Variants in SEL1L2 observed in about 807,000 individuals in gnomAD.
The protein encoded by SEL1L2 is SEL1L2 adaptor subunit of SYVN1 ubiquitin ligase, also known as protein sel-1 homolog 2.
A neutral mutation model predicts 98.8 loss-of-function variants in SEL1L2; 89 were observed. The observed-to-expected ratio is 0.90, with a 90% CI of 0.76 to 1.07. SEL1L2 has a LOEUF of 1.07. Ranked by LOEUF, SEL1L2 falls within the 50% of genes least tolerant of loss-of-function variation. The pLI is 0.00. For synonymous variants in SEL1L2, 262 were observed against 278.5 expected (o/e 0.94, Z 0.59); for missense variants, 788 against 812.0 (o/e 0.97, Z 0.36).
intron 5 of SEL1L2, among the ~76,000 whole-genome samples, chr20:13,906,906 T>C (rs2047957459): frequency 6.6e-6 from 1 of 152,156 alleles, no homozygotes; most frequent in African/African-American, 2.4e-5. Context: ...CTCAAACTCC[T>C]GACCTCAAGT....
chr20:13,938,102 A>C (rs1490988493), intron 2 of SEL1L2, among the ~76,000 whole-genome samples: 1 of 141,738 alleles, frequency 7.1e-6, no homozygotes, highest in Admixed American at 7.1e-5. Context: ...TTTTTTTGAG[A>C]GGGAGTTTTG....
intron 4 of SEL1L2, among the ~76,000 whole-genome samples, chr20:13,917,195 G>C (rs573885784): frequency 1.3e-5 from 2 of 152,132 alleles, no homozygotes; most frequent in South Asian, 4.1e-4. Flanking sequence ...CTTCTAGCTA[G>C]GCTGGCTGGA....
intron 6 of SEL1L2, 103 bp from the exon 7 acceptor site, chr20:13,888,104 A>T: frequency 1.1e-6 from 1 of 901,526 alleles, no homozygotes; most frequent in Non-Finnish European, 1.7e-6. Flanking sequence ...CTCCATAATG[A>T]CCCATTGAGT....
intron 14 of SEL1L2, 59 bp from the exon 15 acceptor site, chr20:13,866,909 C>A: frequency 6.7e-7 from 1 of 1,484,410 alleles, no homozygotes. Flanking sequence ...ATATTATAAT[C>A]TATGGATATA....
At chr20:13,983,775 C>T (rs1436337932) in intron 1 of SEL1L2, among the ~76,000 whole-genome samples, 1 of 152,052 alleles carries the variant, frequency 6.6e-6, no homozygotes, top group Non-Finnish European at 1.5e-5. Context: ...CCCGCCTGGA[C>T]CTCCCAAAGT....
intron 18 of SEL1L2, among the ~76,000 whole-genome samples, chr20:13,854,054 C>T (rs1988751330): frequency 6.6e-6 from 1 of 152,196 alleles, no homozygotes; most frequent in African/African-American, 2.4e-5. Flanking sequence ...CTAATTTTAA[C>T]TTATCCTTTC....
chr20:13,884,727 T>C (rs907392588), intron 10 of SEL1L2, among the ~76,000 whole-genome samples: 1 of 152,018 alleles, frequency 6.6e-6, no homozygotes, highest in African/African-American at 2.4e-5. Context: ...CAGGATGGAC[T>C]CAATATCCTG....
rs146666053 is a variant in SEL1L2, at chr20:13,860,948, T to C, written c.1646-1514A>G. Among the ~76,000 whole-genome samples the C allele has an allele frequency of 8.2e-4, 125 of 152,206 alleles. 1 individual carries two copies. Among genetic ancestry groups the C allele is most frequent in the South Asian group, 2.3e-3 (11 of 4,818 alleles). ...TCCCTGTCTCAGTACAGCACCCCCA[T>C]TGTTCAGGCCATAAGTCTAGGGGAA... On this transcript the variant is annotated intron_variant, in intron 17 of 19. Transcript: ENST00000284951.
At chr20:13,880,836 C>T (rs539891360) in intron 10 of SEL1L2, among the ~76,000 whole-genome samples, 15 of 151,876 alleles carry the variant, frequency 9.9e-5, no homozygotes, top group East Asian at 3.9e-4. Flanking sequence ...AAATATAGTA[C>T]GCCCCAGGTA....
intron 1 of SEL1L2, among the ~76,000 whole-genome samples, chr20:13,969,637 A>C (rs1425976431): frequency 6.6e-6 from 1 of 151,970 alleles, no homozygotes; most frequent in African/African-American, 2.4e-5. Flanking sequence ...GTATCCTCCT[A>C]CCCCATATGT....
Position 13,939,035 on chromosome 20 carries a change from G to GTTTTTTTTTTTTTTTTTTTTT in SEL1L2, c.115-7265_115-7264insAAAAAAAAAAAAAAAAAAAAA, listed in dbSNP as rs779584914. ...TTTTTTCTTTTTGGTTTGTTTGCTT[G>GTTTTTTTTTTTTTTTTTTTTT]TTTTGTTTTTTTTTTTTTTTTTTTC... On this transcript the variant is annotated intron_variant, in intron 2 of 19. Transcript: ENST00000284951. 4.1e-3 allele frequency among the ~76,000 whole-genome samples: 128 copies of GTTTTTTTTTTTTTTTTTTTTT among 31,388 alleles called. 6 individuals are homozygous for GTTTTTTTTTTTTTTTTTTTTT. The highest frequency in any genetic ancestry group is 5.3e-3 in the African/African-American group (49 of 9,274). 20.6% of individuals were successfully genotyped at this position (31,388 alleles called of 152,430 possible). A position where few individuals can be genotyped will look rare whatever the true frequency, so the allele number is the denominator to read the frequency against.
At chr20:13,891,889 T>C (rs896379063) in intron 5 of SEL1L2, among the ~76,000 whole-genome samples, 1 of 152,030 alleles carries the variant, frequency 6.6e-6, no homozygotes, top group Admixed American at 6.6e-5. Context: ...CAAAAGCATA[T>C]GAAATTATAA....
Position 13,870,165 on chromosome 20 carries a change from G to T in SEL1L2, c.1143C>A (p.Tyr381Ter). 6.2e-7 allele frequency: 1 copy of T among 1,610,318 alleles called. No individual in the cohort carries two copies. The highest frequency in any genetic ancestry group is 8.5e-7 in the Non-Finnish European group (1 of 1,177,500). ...AIGLHGLGLLYFHGKGVPLNY... is the reference protein window; with the variant it reads ...AIGLHGLGLL ...CCAGGGGAACTCCTTTTCCATGAAA[G>T]TAAAGAAGACCAAGCCCATGAAGGC... Residue 381 changes from tyrosine to a stop codon, truncating the protein, a stop_gained, in exon 13 of 20, where the codon TAC (tyrosine) becomes TAA (stop). Transcript: ENST00000284951. LOFTEE classifies it high-confidence loss of function.
chr20:13,967,146 G>A (rs1022957169), intron 1 of SEL1L2, among the ~76,000 whole-genome samples: 1 of 152,132 alleles, frequency 6.6e-6, no homozygotes, highest in South Asian at 2.1e-4. Context: ...CTCCCAAAGT[G>A]CTGGGATTAC....
At chr20:13,958,034 A>C (rs1416309032) in intron 1 of SEL1L2, among the ~76,000 whole-genome samples, 1 of 152,168 alleles carries the variant, frequency 6.6e-6, no homozygotes, top group Non-Finnish European at 1.5e-5. Flanking sequence ...ATTATAAATA[A>C]AGCTTTATCC....
intron 1 of SEL1L2, among the ~76,000 whole-genome samples, chr20:13,976,624 C>G (rs6110113): frequency 6.6e-6 from 1 of 152,072 alleles, no homozygotes; most frequent in Non-Finnish European, 1.5e-5. Flanking sequence ...GACATTAGAC[C>G]TTTATTCTAT....
At chr20:13,941,889 A>G (rs2148375619) in intron 2 of SEL1L2, among the ~76,000 whole-genome samples, 1 of 152,300 alleles carries the variant, frequency 6.6e-6, no homozygotes, top group African/African-American at 2.4e-5. Context: ...CCTGCCAGTC[A>G]CTTACTTTTC....
At chr20:13,857,551 G>A (rs1182326189) in intron 18 of SEL1L2, among the ~76,000 whole-genome samples, 2 of 152,216 alleles carry the variant, frequency 1.3e-5, no homozygotes, top group Admixed American at 1.3e-4. Context: ...TGTCCCCAGG[G>A]ACTCAGGCAA....
chr20:13,892,449 CA>C (rs11477736), intron 5 of SEL1L2, among the ~76,000 whole-genome samples: 116,792 of 143,396 alleles, frequency 0.81, 47,254 homozygotes, highest in Middle Eastern at 0.87. Flanking sequence ...GACTCCATCT[CA>C]AAAAAAAAAA....
Sources: gnomAD v4.1 joint callset for allele counts (sites outside exome capture counted in the v4.1 genomes callset) on GRCh38, gnomAD v4.1.1 for gene constraint, MANE v1.5 for transcripts, NCBI Gene and HGNC (gene_info 2026-07-23, HGNC 2026-07-21) for gene names.